The following TBX15 variants were observed in gnomAD, a reference collection of about 807,000 sequenced individuals.
The protein encoded by TBX15 is T-box transcription factor 15.
Under a neutral mutation model 53.9 loss-of-function variants are expected in TBX15, and 18 were observed. The ratio of observed to expected loss-of-function variants is 0.33; its 90% CI spans 0.23 to 0.49. The LOEUF (loss-of-function observed/expected upper bound fraction) is 0.49. TBX15 is among the 20% of genes least tolerant of loss of function. The pLI is 0.98. For synonymous variants in TBX15, 295 were observed against 278.0 expected, an observed-to-expected ratio of 1.06 and a Z score of -0.61; for missense variants, 692 against 749.5, an observed-to-expected ratio of 0.92 and a Z score of 0.90.
intron 2 of TBX15, among the ~76,000 whole-genome samples, chr1:118,929,129 T>TCTTCTA (rs1655698669): frequency 6.6e-6 from 1 of 152,242 alleles, no homozygotes; most frequent in African/African-American, 2.4e-5. Context: ...CTAAACCCAT[T>TCTTCTA]AATCCTTGCA....
At chr1:118,897,348 G>A (rs1481618094) in intron 7 of TBX15, among the ~76,000 whole-genome samples, 1 of 152,150 alleles carries the variant, frequency 6.6e-6, no homozygotes, top group Non-Finnish European at 1.5e-5. Flanking sequence ...GCCAGGCCCT[G>A]TAGTAGATCT....
intron 1 of TBX15, among the ~76,000 whole-genome samples, chr1:118,978,471 G>A (rs1229047117): frequency 1.3e-5 from 2 of 152,164 alleles, no homozygotes; most frequent in African/African-American, 4.8e-5. Context: ...CACAAATGAG[G>A]CACTGAGGCC....
intron 1 of TBX15, among the ~76,000 whole-genome samples, chr1:118,955,601 C>T (rs555383931): frequency 2.0e-5 from 3 of 152,212 alleles, no homozygotes; most frequent in Non-Finnish European, 2.9e-5. Flanking sequence ...AGACATTTTC[C>T]GCTAGAGTCT....
At chr1:118,975,813 T>C (rs896647440) in intron 1 of TBX15, among the ~76,000 whole-genome samples, 1 of 152,128 alleles carries the variant, frequency 6.6e-6, no homozygotes, top group African/African-American at 2.4e-5. Context: ...GCTTGGAAAA[T>C]TGGAGAAGTA....
At chr1:118,963,221 C>T (rs997572759) in intron 1 of TBX15, among the ~76,000 whole-genome samples, 2 of 152,160 alleles carry the variant, frequency 1.3e-5, no homozygotes, top group Non-Finnish European at 2.9e-5. Context: ...ATGAAGAAAA[C>T]GTGTGTTTTT....
chr1:118,976,972 T>C (rs1571218531), intron 1 of TBX15, among the ~76,000 whole-genome samples: 1 of 152,224 alleles, frequency 6.6e-6, no homozygotes, highest in South Asian at 2.1e-4. Context: ...ACAGGAATAA[T>C]AGGCTTTGTG....
chr1:118,982,534 A>T (rs543908253), intron 1 of TBX15, among the ~76,000 whole-genome samples: 1 of 152,220 alleles, frequency 6.6e-6, no homozygotes, highest in African/African-American at 2.4e-5. Flanking sequence ...ACTCGTTTCC[A>T]TGTTTACACT....
intron 1 of TBX15, among the ~76,000 whole-genome samples, chr1:118,967,645 CAAATGTTTCACTTTT>C: frequency 6.6e-6 from 1 of 152,262 alleles, no homozygotes; most frequent in East Asian, 1.9e-4. Context: ...AGAGGTTACC[CAAATGTTTCACTTTT>C]AAACTTGTGT....
At chr1:118,893,609 A>C (rs1654288153) in intron 7 of TBX15, among the ~76,000 whole-genome samples, 2 of 145,336 alleles carry the variant, frequency 1.4e-5, no homozygotes, top group East Asian at 2.1e-4. Context: ...GAAAGAAAGA[A>C]AGAAAGAGAG....
At chr1:118,920,786 A>G (rs1013212133) in intron 5 of TBX15, among the ~76,000 whole-genome samples, 1 of 152,242 alleles carries the variant, frequency 6.6e-6, no homozygotes, top group Non-Finnish European at 1.5e-5. Flanking sequence ...CAATCAGATT[A>G]GAAAGAAGAA....
chr1:118,904,720 T>C (rs1654754146), intron 6 of TBX15, among the ~76,000 whole-genome samples: 1 of 152,214 alleles, frequency 6.6e-6, no homozygotes, highest in Non-Finnish European at 1.5e-5. Flanking sequence ...CCCATGATCA[T>C]ACAAAGTTGG....
intron 6 of TBX15, among the ~76,000 whole-genome samples, chr1:118,913,375 T>C (rs750954515): frequency 3.9e-5 from 6 of 152,204 alleles, no homozygotes; most frequent in Non-Finnish European, 1.5e-5. Flanking sequence ...CTGGTTTCCC[T>C]ACCCATTTTG....
intron 1 of TBX15, among the ~76,000 whole-genome samples, chr1:118,983,114 C>A (rs1363748955): frequency 6.6e-6 from 1 of 152,134 alleles, no homozygotes; most frequent in Non-Finnish European, 1.5e-5. Context: ...AGGAGAGACC[C>A]GCACACCCCC....
intron 5 of TBX15, among the ~76,000 whole-genome samples, chr1:118,916,838 C>G (rs1655244500): frequency 6.6e-6 from 1 of 151,648 alleles, no homozygotes; most frequent in Admixed American, 6.6e-5. Context: ...TGCACTCCAG[C>G]CTGGATGACA....
chr1:118,927,356 T>A (rs958064047), intron 2 of TBX15, among the ~76,000 whole-genome samples: 5 of 152,242 alleles, frequency 3.3e-5, no homozygotes, highest in Admixed American at 3.3e-4. Flanking sequence ...ACTCTTCTTA[T>A]AATCTGAAGA....
chr1:118,918,964 C>CA (rs140333127), intron 5 of TBX15, among the ~76,000 whole-genome samples: 1,850 of 152,160 alleles, frequency 0.012, 44 homozygotes, highest in African/African-American at 0.042. Flanking sequence ...CAAAACAAAA[C>CA]AAAAAACCTT....
chr1:118,891,811 C>T (rs1278031759), intron 7 of TBX15, among the ~76,000 whole-genome samples: 4 of 152,080 alleles, frequency 2.6e-5, no homozygotes, highest in Non-Finnish European at 5.9e-5. Context: ...TTTATGGGTG[C>T]CTACATTAAG....
chr1:118,905,443 C>T (rs1158157816), intron 6 of TBX15, among the ~76,000 whole-genome samples: 1 of 152,120 alleles, frequency 6.6e-6, no homozygotes, highest in Non-Finnish European at 1.5e-5. Flanking sequence ...GGAGGGCGAA[C>T]AAATAAGGCA....
intron 6 of TBX15, among the ~76,000 whole-genome samples, chr1:118,902,922 T>C (rs1004786328): frequency 1.3e-5 from 2 of 152,166 alleles, no homozygotes; most frequent in African/African-American, 4.8e-5. Flanking sequence ...AAAAGTGAAT[T>C]CATTGTCTAA....
Sources: gnomAD v4.1 joint callset for allele counts (sites outside exome capture counted in the v4.1 genomes callset) on GRCh38, gnomAD v4.1.1 for gene constraint, MANE v1.5 for transcripts, NCBI Gene and HGNC (gene_info 2026-07-23, HGNC 2026-07-21) for gene names.